Variants in ZNF585B observed in about 807,000 individuals in gnomAD.
ZNF585B encodes the protein zinc finger protein 41-like protein.
ZNF585B carries 7 observed loss-of-function variants against 14.0 expected under a neutral mutation model. That is an observed-to-expected ratio of 0.50 (90% CI 0.28 to 0.94). The LOEUF (loss-of-function observed/expected upper bound fraction) is 0.94. ZNF585B is among the 40% of genes least tolerant of loss of function. The probability of loss-of-function intolerance (pLI) is 0.09; values close to 1 mark genes in which losing one functional copy is unlikely to be tolerated. For synonymous variants in ZNF585B, 290 were observed against 317.3 expected (o/e 0.91, Z 0.91); for missense variants, 750 against 924.4 (o/e 0.81, Z 2.45).
chr19:37,185,523 G>A lies in ZNF585B; in HGVS notation c.2014C>T (p.Arg672Ter), dbSNP rs531877717. The A allele has an allele frequency of 9.9e-6, 16 of 1,612,086 alleles. No individual in the cohort carries two copies. Among genetic ancestry groups the A allele is most frequent in the African/African-American group, 2.7e-5 (2 of 74,392 alleles). ...TGTGTAATCAACTCTGACTTCTGTC[G>A]AAAGGTCTTCCCACATTCAGAACAA... ...YICSECGKTF[R>*]QKSELITHHR... Residue 672 changes from arginine to a stop codon, truncating the protein, a stop_gained, in exon 5 of 5, where the codon CGA becomes TGA. Coordinates refer to ENST00000532828, the MANE Select transcript of ZNF585B (RefSeq NM_152279.4). LOFTEE classifies it low-confidence loss of function (END_TRUNC).
chr19:37,194,555 G>A (rs1972438866), intron 2 of ZNF585B, among the ~76,000 whole-genome samples: 1 of 152,170 alleles, frequency 6.6e-6, no homozygotes, highest in Non-Finnish European at 1.5e-5. Flanking sequence ...GGAGGTTGCA[G>A]TGAGCCAAAA....
At chr19:37,199,505 T>C (rs560288183) in intron 2 of ZNF585B, 14 of 452,338 alleles carry the variant, frequency 3.1e-5, no homozygotes, top group South Asian at 1.9e-4. Flanking sequence ...AGCCTGAGGA[T>C]AGAGTGAGAC....
At chr19:37,202,415 A>C (rs749709048) in intron 2 of ZNF585B, among the ~76,000 whole-genome samples, 4 of 152,232 alleles carry the variant, frequency 2.6e-5, no homozygotes, top group Non-Finnish European at 5.9e-5. Context: ...AAAAACCTGA[A>C]ACAAGGTTGA....
rs764193391 is a variant in ZNF585B at position 37,182,487 on chromosome 19, T to C, written c.*2740A>G. On this transcript the variant is annotated 3_prime_UTR_variant, in exon 5 of 5. Coordinates refer to ENST00000532828, the MANE Select transcript of ZNF585B (RefSeq NM_152279.4). ...GAAGGAAGAATAGTGAAGCTTCAGA[T>C]ACAGTGCTGGATGAGGTGAAGGGAG... is the stretch of plus-strand genomic sequence containing the variant. The C allele has an allele frequency of 6.6e-6, 1 of 152,222 alleles. No individual in the cohort carries two copies. The highest frequency in any genetic ancestry group is 1.5e-5 in the Non-Finnish European group (1 of 68,048). The allele number at this position is 152,222 out of a possible 1,614,324, so 9.4% of individuals were successfully genotyped here.
rs1476948586 is a variant in ZNF585B, at chr19:37,207,175, T to C, written c.-64A>G. On this transcript the variant is annotated 5_prime_UTR_variant, in exon 2 of 5. The change abolishes the stop of an existing upstream ORF in the 5' untranslated region. Coordinates refer to ENST00000532828, the MANE Select transcript of ZNF585B (RefSeq NM_152279.4). ...TGAAGTTTAGTGGTCATCTGTGAAC[T>C]CAGCAGAGCTGCTCCGAAGAGGTGG... is the stretch of plus-strand genomic sequence containing the variant. 6.2e-7 allele frequency: 1 copy of C among 1,608,410 alleles called. No homozygotes were observed. Among genetic ancestry groups the C allele is most frequent in the East Asian group, 2.2e-5 (1 of 44,814 alleles).
chr19:37,189,553 G>A (rs1043542602), intron 4 of ZNF585B, 108 bp downstream of exon 4: 10 of 1,245,016 alleles, frequency 8.0e-6, no homozygotes, highest in Non-Finnish European at 1.1e-5. Flanking sequence ...GAGCCTTACT[G>A]AAGAGTGGTC....
At chr19:37,192,181 G>A (rs190146458) in intron 2 of ZNF585B, among the ~76,000 whole-genome samples, 67 of 152,200 alleles carry the variant, frequency 4.4e-4, no homozygotes, top group Admixed American at 1.1e-3. Context: ...TAGTCTTCAC[G>A]CAACCTGAAA....
chr19:37,207,005 C>T (rs1408403653), intron 2 of ZNF585B, 35 bp downstream of exon 2: 12 of 1,612,298 alleles, frequency 7.4e-6, no homozygotes, highest in Admixed American at 3.3e-5. Flanking sequence ...TACTCTTGGA[C>T]TGAAATTCCA....
chr19:37,205,993 T>C (rs1272634418), intron 2 of ZNF585B, among the ~76,000 whole-genome samples: 1 of 152,052 alleles, frequency 6.6e-6, no homozygotes, highest in Non-Finnish European at 1.5e-5. Context: ...GGCAGGAGAA[T>C]TGCTTGAACC....
At chr19:37,209,723 CTTTTTTTTTTT>C (rs755649009) in intron 1 of ZNF585B, among the ~76,000 whole-genome samples, 6,065 of 118,018 alleles carry the variant, frequency 0.051, 187 homozygotes, top group Admixed American at 0.1. Flanking sequence ...AAGTGCACTT[CTTTTTTTTTTT>C]TTTTTTTTTG....
At position 37,193,214 on chromosome 19, in the gene ZNF585B, G is replaced by A. The variant is rs189528572; in HGVS notation, c.73-3064C>T. On this transcript the variant is annotated intron_variant, in intron 2 of 4. Coordinates refer to ENST00000532828, the MANE Select transcript of ZNF585B (RefSeq NM_152279.4). ...GGGCTGGACATGGTGGCTCACACCTGTAATCCCAGCACTTTGGGAGGCCGA... is the reference window on the plus strand; with the variant it reads ...GGGCTGGACATGGTGGCTCACACCTATAATCCCAGCACTTTGGGAGGCCGA... Among the ~76,000 whole-genome samples, 13 of 151,468 alleles carry A rather than the reference G, an allele frequency of 8.6e-5. No individual in the cohort carries two copies. In the East Asian group the frequency reaches 2.6e-3, roughly 30 times the overall value.
intron 2 of ZNF585B, among the ~76,000 whole-genome samples, chr19:37,201,664 A>G (rs752620346): frequency 2.7e-4 from 41 of 152,324 alleles, no homozygotes; most frequent in Non-Finnish European, 4.4e-4. Context: ...CTGCAATCCT[A>G]ATTTTATTAA....
Position 37,186,625 on chromosome 19 carries a change from G to A in ZNF585B, c.912C>T (p.Gly304=). Residue 304 remains glycine, a synonymous_variant, in exon 5 of 5, where the codon GGC becomes GGT. Coordinates refer to ENST00000532828, the MANE Select transcript of ZNF585B (RefSeq NM_152279.4). ...GEKPYECNNC[G]KSFISKSQLQ... ...GTTGTGACTTGGAAATGAAGGATTT[G>A]CCACAGTTATTGCATTCATATGGTT... 6.2e-7 allele frequency: 1 copy of A among 1,614,200 alleles called. No individual in the cohort carries two copies.
chr19:37,186,467 G>A lies in ZNF585B; in HGVS notation c.1070C>T (p.Thr357Ile). Reference sequence around the variant, plus strand: ...GTAGGTAAAGGCCTTCCCACACTCAGTACATATGGAAGATTTCTCTCTACT... The same window carrying A: ...GTAGGTAAAGGCCTTCCCACACTCAATACATATGGAAGATTTCTCTCTACT... ...IQSREKSSICTECGKAFTYRS... is the reference protein window; with the variant it reads ...IQSREKSSICIECGKAFTYRS... The change falls in exon 5 of 5, where the codon ACT becomes ATT. Residue 357 changes from threonine to isoleucine, a missense_variant. Thr to Ile is a moderately conservative substitution (Grantham distance 89). Transcript: ENST00000532828. 2 of 1,614,190 alleles carry A rather than the reference G, an allele frequency of 1.2e-6. No individual in the cohort carries two copies. The highest frequency in any genetic ancestry group is 2.2e-5 in the East Asian group (1 of 44,874).
chr19:37,197,681 C>T (rs970289148), intron 2 of ZNF585B, among the ~76,000 whole-genome samples: 14 of 152,094 alleles, frequency 9.2e-5, no homozygotes, highest in South Asian at 2.1e-4. Context: ...TTCTAACTGG[C>T]GTGAGATGGT....
intron 2 of ZNF585B, chr19:37,190,434 C>A: frequency 3.9e-6 from 1 of 259,500 alleles, no homozygotes; most frequent in Non-Finnish European, 7.5e-6. Flanking sequence ...TTAGTAGAGA[C>A]GGGGTTTCAC....
At position 37,186,059 on chromosome 19, in the gene ZNF585B, G is replaced by C. The variant is rs1489636890; in HGVS notation, c.1478C>G (p.Ser493Cys). Residue 493 changes from serine to cysteine, a missense_variant, in exon 5 of 5, where the codon TCT (serine) becomes TGT (cysteine). Physicochemically the swap from Ser to Cys is moderately radical, Grantham distance 112. Transcript: ENST00000532828. ...THQKTHTGEK[S>C]YICSKCGKAF... is the part of the protein sequence containing the mutation. ...CTTTCCACATTTGGAACATATATAA[G>C]ATTTCTCTCCTGTATGAGTTTTCTG... 2 of 1,613,872 alleles carry C rather than the reference G, an allele frequency of 1.2e-6. No individual in the cohort carries two copies. Among genetic ancestry groups the C allele is most frequent in the East Asian group, 4.5e-5 (2 of 44,870 alleles).
intron 2 of ZNF585B, among the ~76,000 whole-genome samples, chr19:37,203,735 TCTC>T (rs1281013547): frequency 6.6e-6 from 1 of 152,094 alleles, no homozygotes. Flanking sequence ...TTCAAGCAAT[TCTC>T]CTGCCTCAGC....
chr19:37,201,635 C>G (rs1972531734), intron 2 of ZNF585B, among the ~76,000 whole-genome samples: 1 of 152,114 alleles, frequency 6.6e-6, no homozygotes, highest in Non-Finnish European at 1.5e-5. Flanking sequence ...ATGCCACATG[C>G]AAATAATTCT....
Sources: gnomAD v4.1 joint callset for allele counts (sites outside exome capture counted in the v4.1 genomes callset) on GRCh38, gnomAD v4.1.1 for gene constraint, MANE v1.5 for transcripts, NCBI Gene and HGNC (gene_info 2026-07-23, HGNC 2026-07-21) for gene names.